ATP9A: variants seen among roughly 807,000 people sequenced by gnomAD.
The protein encoded by ATP9A is ATPase phospholipid transporting 9A.
A neutral mutation model predicts 144.1 loss-of-function variants in ATP9A; 52 were observed. The observed-to-expected ratio is 0.36, with a 90% confidence interval of 0.29 to 0.45. The LOEUF (loss-of-function observed/expected upper bound fraction) is 0.45, where lower values mean the gene tolerates loss of function less well. Ranked by LOEUF, ATP9A falls within the 20% of genes least tolerant of loss-of-function variation. The pLI is 1.00. For synonymous variants in ATP9A, 582 were observed against 557.4 expected (o/e 1.04, Z -0.62); for missense variants, 947 against 1,392.7 (o/e 0.68, Z 5.09).
At chr20:51,663,179 CTGG>C (rs898763938) in intron 13 of ATP9A, among the ~76,000 whole-genome samples, 2 of 152,122 alleles carry the variant, frequency 1.3e-5, no homozygotes, top group African/African-American at 4.8e-5. Flanking sequence ...ACAGGCAATT[CTGG>C]TGGTCAACTC....
At chr20:51,648,494 C>T (rs1217167740) in intron 14 of ATP9A, among the ~76,000 whole-genome samples, 1 of 152,178 alleles carries the variant, frequency 6.6e-6, no homozygotes, top group East Asian at 1.9e-4. Flanking sequence ...AGAACAAATA[C>T]TCTGTGGTGT....
intron 1 of ATP9A, among the ~76,000 whole-genome samples, chr20:51,749,259 G>A (rs575977793): frequency 7.2e-5 from 11 of 152,150 alleles, no homozygotes; most frequent in African/African-American, 2.4e-4. Context: ...GACACGGAAC[G>A]AGCTCAGAAT....
At chr20:51,634,143 T>C (rs2077281227) in intron 15 of ATP9A, among the ~76,000 whole-genome samples, 1 of 152,162 alleles carries the variant, frequency 6.6e-6, no homozygotes, top group South Asian at 2.1e-4. Flanking sequence ...AAATATAACA[T>C]GTCCTTCACA....
rs1039888867 is a variant in ATP9A, at chr20:51,694,196, C to G, written c.548-94G>C. On this transcript the variant is annotated intron_variant, in intron 6 of 27. Coordinates refer to ENST00000338821, the MANE Select transcript of ATP9A (RefSeq NM_006045.3). ...TCTGCTCTGGTCCTTGTAAAAACAG[C>G]CAACCAATGGCCAGCGACCACAAGA... 8 of 877,182 alleles carry G rather than the reference C, an allele frequency of 9.1e-6. No homozygotes were observed. The African/African-American group carries it at 1.2e-4, about 13-fold the overall frequency. 54.3% of individuals were successfully genotyped at this position (877,182 alleles called of 1,614,324 possible). A position where few individuals can be genotyped will look rare whatever the true frequency, so the allele number is the denominator to read the frequency against.
At position 51,694,017 on chromosome 20, in the gene ATP9A, G is replaced by A. The variant is rs1260643478; in HGVS notation, c.633C>T (p.Pro211=). Residue 211 remains proline, a synonymous_variant, in exon 7 of 28, where the codon CCC becomes CCT. Transcript: ENST00000338821. ...RLPVACTQRL[P]TAADLLQIRS... is the part of the protein sequence containing the mutation. ...AGGGAAAGCTACTCACGGCGGCCGT[G>A]GGGAGCCTCTGCGTGCAGGCCACGG... is the stretch of plus-strand genomic sequence containing the variant. 1 of 1,613,170 alleles carries A rather than the reference G, an allele frequency of 6.2e-7. No homozygotes were observed. The highest frequency in any genetic ancestry group is 8.5e-7 in the Non-Finnish European group (1 of 1,179,624).
At chr20:51,707,223 G>A (rs1291164972) in intron 4 of ATP9A, among the ~76,000 whole-genome samples, 3 of 152,114 alleles carry the variant, frequency 2.0e-5, no homozygotes, top group African/African-American at 7.2e-5. Context: ...AATAATTTCT[G>A]AATAAGGGTC....
At chr20:51,732,909 T>C (rs2077748119) in intron 1 of ATP9A, among the ~76,000 whole-genome samples, 1 of 151,610 alleles carries the variant, frequency 6.6e-6, no homozygotes, top group Non-Finnish European at 1.5e-5. Flanking sequence ...GAAACCTTAC[T>C]GGATGGTGAA....
intron 16 of ATP9A, 36 bp downstream of exon 16, chr20:51,628,944 T>G (rs1297794282): frequency 6.4e-7 from 1 of 1,571,016 alleles, no homozygotes; most frequent in African/African-American, 1.4e-5. Context: ...AGAACATGCT[T>G]CCAAGGCCTG....
intron 14 of ATP9A, among the ~76,000 whole-genome samples, chr20:51,651,827 G>T (rs535811686): frequency 3.3e-5 from 5 of 152,106 alleles, no homozygotes; most frequent in Non-Finnish European, 7.4e-5. Context: ...TACTCAGGAG[G>T]CTGAGGCAGA....
intron 9 of ATP9A, among the ~76,000 whole-genome samples, chr20:51,681,790 T>C (rs535452960): frequency 2.6e-5 from 4 of 152,312 alleles, no homozygotes; most frequent in Non-Finnish European, 5.9e-5. Context: ...CCTAAGGCAC[T>C]ACCACAGTGC....
chr20:51,735,948 G>GT (rs2077761033), intron 1 of ATP9A, among the ~76,000 whole-genome samples: 1 of 152,240 alleles, frequency 6.6e-6, no homozygotes, highest in Non-Finnish European at 1.5e-5. Flanking sequence ...CATGGACCTT[G>GT]TAGCCTAGTG....
chr20:51,670,591 A>T (rs962045821), intron 12 of ATP9A, among the ~76,000 whole-genome samples: 2 of 152,182 alleles, frequency 1.3e-5, no homozygotes, highest in Non-Finnish European at 2.9e-5. Flanking sequence ...TGAGCCGCCC[A>T]GGATCTTTGC....
At chr20:51,752,754 G>A (rs2077837899) in intron 1 of ATP9A, among the ~76,000 whole-genome samples, 1 of 152,170 alleles carries the variant, frequency 6.6e-6, no homozygotes, top group African/African-American at 2.4e-5. Flanking sequence ...AGGAGTCAGT[G>A]CCTCTCTCTA....
At position 51,709,407 on chromosome 20, in the gene ATP9A, C is replaced by T. The variant is rs186321672; in HGVS notation, c.436+3559G>A. ...GTGCACACCTGTAATCCCAGCTACTCGGGAGGCTCGGGCAGGAGAATCGCT... is the reference window on the plus strand; with the variant it reads ...GTGCACACCTGTAATCCCAGCTACTTGGGAGGCTCGGGCAGGAGAATCGCT... On this transcript the variant is annotated intron_variant, in intron 4 of 27. Transcript: ENST00000338821. 5.3e-4 allele frequency among the ~76,000 whole-genome samples: 81 copies of T among 152,082 alleles called. 1 individual carries two copies. Among genetic ancestry groups the T allele is most frequent in the East Asian group, 1.4e-3 (7 of 5,168 alleles).
At chr20:51,765,596 G>A (rs2077900072) in intron 1 of ATP9A, among the ~76,000 whole-genome samples, 1 of 143,892 alleles carries the variant, frequency 6.9e-6, no homozygotes, top group South Asian at 2.1e-4. Flanking sequence ...ACGTTGCAGT[G>A]AGCCGAGATC....
At chr20:51,639,184 T>C (rs2077307950) in intron 15 of ATP9A, among the ~76,000 whole-genome samples, 159 bp downstream of exon 15, 1 of 152,152 alleles carries the variant, frequency 6.6e-6, no homozygotes, top group Admixed American at 6.5e-5. Context: ...GTCCAATGAA[T>C]GAACTAATTT....
At chr20:51,744,426 A>G (rs985214991) in intron 1 of ATP9A, among the ~76,000 whole-genome samples, 1 of 152,186 alleles carries the variant, frequency 6.6e-6, no homozygotes, top group East Asian at 1.9e-4. Flanking sequence ...TCAGTCTTCC[A>G]AAGTGGATTA....
At chr20:51,673,911 A>G (rs2077466628) in intron 11 of ATP9A, among the ~76,000 whole-genome samples, 1 of 151,994 alleles carries the variant, frequency 6.6e-6, no homozygotes, top group Admixed American at 6.6e-5. Flanking sequence ...TTAGCCAGGC[A>G]TGGTGGTGCA....
At chr20:51,757,018 C>G (rs1333520458) in intron 1 of ATP9A, among the ~76,000 whole-genome samples, 1 of 152,084 alleles carries the variant, frequency 6.6e-6, no homozygotes, top group East Asian at 1.9e-4. Context: ...CATTCACCCC[C>G]CAGAGGACAC....
Sources: allele counts gnomAD v4.1 joint callset (sites outside exome capture counted in the v4.1 genomes callset), GRCh38; gene constraint gnomAD v4.1.1; transcripts MANE v1.5; gene names NCBI Gene and HGNC (gene_info 2026-07-23, HGNC 2026-07-21).